Variants in C12orf42 observed in about 807,000 individuals in gnomAD.
C12orf42 encodes chromosome 12 open reading frame 42, also known as uncharacterized protein C12orf42.
C12orf42 carries 25 observed loss-of-function variants against 21.6 expected under a neutral mutation model. The ratio of observed to expected loss-of-function variants is 1.16; its 90% confidence interval spans 0.84 to 1.62. The LOEUF is 1.62. Ranked by LOEUF, C12orf42 falls within the 40% of genes most tolerant of loss-of-function variation. The pLI is 0.00. For missense variants in C12orf42, 483 were observed against 459.3 expected (o/e 1.05, Z -0.47); for synonymous variants, 174 against 175.0 (o/e 0.99, Z 0.05).
At chr12:103,430,218 C>G (rs1318711644) in intron 2 of C12orf42, among the ~76,000 whole-genome samples, 5 of 151,610 alleles carry the variant, frequency 3.3e-5, no homozygotes, top group Non-Finnish European at 5.9e-5. Context: ...ATCCATCTGG[C>G]AAAGGGCTAA....
chr12:103,411,264 C>T (rs1336613741), intron 2 of C12orf42, among the ~76,000 whole-genome samples: 1 of 152,070 alleles, frequency 6.6e-6, no homozygotes, highest in Non-Finnish European at 1.5e-5. Flanking sequence ...ATAGCTAATT[C>T]TATTAATATT....
At chr12:103,147,503 C>CTTTTTTTTTTTTTTTTTT in the C12orf42 span, among the ~76,000 whole-genome samples, 237 of 99,822 alleles carry the variant, frequency 2.4e-3, no homozygotes, top group Middle Eastern at 0.011. Context: ...CTTTTTTTTT[C>CTTTTTTTTTTTTTTTTTT]TTTTTTTTTT....
rs564627093 is a variant in C12orf42 at position 103,382,647 on chromosome 12, G to C, written c.148-13649C>G. ...TACAATACCATGAAATAAAGAGCAC[G>C]GTGCCTATTTCACAGGTGCAGAAAT... is the stretch of plus-strand genomic sequence containing the variant. On this transcript the variant is annotated intron_variant, in intron 3 of 5. Transcript: ENST00000548883. Among the ~76,000 whole-genome samples, 4 of 152,268 alleles carry C rather than the reference G, an allele frequency of 2.6e-5. No individual in the cohort carries two copies. The South Asian group carries it at 8.3e-4, about 32-fold the overall frequency.
At chr12:103,116,321 G>A in the C12orf42 span, among the ~76,000 whole-genome samples, 15 of 149,860 alleles carry the variant, frequency 1.0e-4, no homozygotes, top group South Asian at 1.7e-3. Flanking sequence ...CTGAGATCAC[G>A]CCATTGCACT....
intron 4 of C12orf42, among the ~76,000 whole-genome samples, chr12:103,307,640 C>A (rs1387730576): frequency 1.3e-5 from 2 of 152,120 alleles, no homozygotes; most frequent in South Asian, 2.1e-4. Context: ...AGAAGCAAAT[C>A]TGGCTTCTTA....
intron 2 of C12orf42, among the ~76,000 whole-genome samples, chr12:103,429,750 T>A (rs186532410): frequency 6.6e-6 from 1 of 152,160 alleles, no homozygotes; most frequent in Admixed American, 6.5e-5. Flanking sequence ...CAAAACAGCA[T>A]AGTACTGGTA....
the C12orf42 span, among the ~76,000 whole-genome samples, chr12:103,072,269 C>T: frequency 6.6e-6 from 1 of 151,930 alleles, no homozygotes; most frequent in Non-Finnish European, 1.5e-5. Context: ...GAGTCAGATG[C>T]TTCTCTTCTC....
At chr12:103,111,317 A>C in the C12orf42 span, among the ~76,000 whole-genome samples, 19 of 152,346 alleles carry the variant, frequency 1.2e-4, no homozygotes, top group South Asian at 3.3e-3. Flanking sequence ...CATGTTTTGA[A>C]GTCAATGACT....
At chr12:103,294,444 A>AAGAAAGAGAGAAGGAGAGAG (rs1566025274) in intron 4 of C12orf42, among the ~76,000 whole-genome samples, 16 of 127,152 alleles carry the variant, frequency 1.3e-4, no homozygotes, top group Non-Finnish European at 2.1e-4. Context: ...GAAAGAAAGA[A>AAGAAAGAGAGAAGGAGAGAG]AGAAAGAAAG....
At chr12:103,121,392 A>G in the C12orf42 span, among the ~76,000 whole-genome samples, 1 of 152,152 alleles carries the variant, frequency 6.6e-6, no homozygotes, top group African/African-American at 2.4e-5. Context: ...GGGGCTTTGG[A>G]GTGAGGCAGC....
the C12orf42 span, among the ~76,000 whole-genome samples, chr12:103,051,684 A>G: frequency 6.6e-6 from 1 of 152,176 alleles, no homozygotes; most frequent in Admixed American, 6.5e-5. Context: ...GGAATCCATG[A>G]GCAGGGTTTT....
upstream of C12orf42, among the ~76,000 whole-genome samples, chr12:103,500,315 A>G (rs1278596591): frequency 1.3e-5 from 2 of 151,958 alleles, no homozygotes; most frequent in Non-Finnish European, 2.9e-5. Context: ...TTTTTGACCA[A>G]CGATCAAAAC....
chr12:103,141,652 C>A, the C12orf42 span, among the ~76,000 whole-genome samples: 1 of 151,962 alleles, frequency 6.6e-6, no homozygotes, highest in East Asian at 1.9e-4. Context: ...GCCTCGGCCT[C>A]CCAAGTAGCT....
chr12:103,278,401 A>T (rs1453013904), intron 4 of C12orf42, among the ~76,000 whole-genome samples: 1 of 152,234 alleles, frequency 6.6e-6, no homozygotes, highest in African/African-American at 2.4e-5. Context: ...AAAAAGCCCA[A>T]GAGTGTAATA....
downstream of C12orf42, among the ~76,000 whole-genome samples, chr12:103,301,775 T>A (rs564946189): frequency 6.6e-6 from 1 of 152,188 alleles, no homozygotes; most frequent in East Asian, 1.9e-4. Flanking sequence ...AGTGAAACCG[T>A]TTACCTGCGA....
Position 103,463,166 on chromosome 12 carries a change from T to C in C12orf42, c.78+15183A>G, listed in dbSNP as rs1952858053. On this transcript the variant is annotated intron_variant, in intron 2 of 5. Coordinates refer to ENST00000548883, the MANE Select transcript of C12orf42 (RefSeq NM_198521.5). ...TAGTAAGTGCTTAGTAACTCGTAGCTATTGGACTATTACAGGGCCAGGATT... is the reference window on the plus strand; with the variant it reads ...TAGTAAGTGCTTAGTAACTCGTAGCCATTGGACTATTACAGGGCCAGGATT... Among the ~76,000 whole-genome samples, 2 of 152,222 alleles carry C rather than the reference T, an allele frequency of 1.3e-5. 1 individual carries two copies. The highest frequency in any genetic ancestry group is 1.3e-4 in the Admixed American group (2 of 15,282).
intron 4 of C12orf42, among the ~76,000 whole-genome samples, chr12:103,284,270 T>C (rs907567668): frequency 2.0e-5 from 3 of 152,246 alleles, no homozygotes; most frequent in African/African-American, 7.2e-5. Flanking sequence ...AAGAATGTTT[T>C]GTTAACAAGT....
At chr12:103,224,550 T>C in the C12orf42 span, among the ~76,000 whole-genome samples, 1 of 152,144 alleles carries the variant, frequency 6.6e-6, no homozygotes, top group African/African-American at 2.4e-5. Context: ...GTATCAGGAA[T>C]AATGTGGGAG....
chr12:103,497,828 G>A (rs532571825), upstream of C12orf42, among the ~76,000 whole-genome samples: 5 of 152,184 alleles, frequency 3.3e-5, no homozygotes, highest in East Asian at 5.8e-4. Flanking sequence ...TCTGGAGATC[G>A]ATACCATCCT....
Sources: allele counts gnomAD v4.1 joint callset (sites outside exome capture counted in the v4.1 genomes callset), GRCh38; gene constraint gnomAD v4.1.1; transcripts MANE v1.5; gene names NCBI Gene and HGNC (gene_info 2026-07-23, HGNC 2026-07-21).